Variants in IGHMBP2 observed in about 807,000 individuals in gnomAD.
IGHMBP2 encodes the protein immunoglobulin mu DNA binding protein 2.
Under a neutral mutation model 96.0 loss-of-function variants are expected in IGHMBP2, and 81 were observed. The ratio of observed to expected loss-of-function variants is 0.84; its 90% CI spans 0.71 to 1.01. The LOEUF is 1.01. Among genes scored for constraint, IGHMBP2 ranks in the 50% least tolerant of loss-of-function variants. The pLI, the probability that IGHMBP2 is intolerant of heterozygous loss-of-function variation, is 0.00. For synonymous variants in IGHMBP2, 557 were observed against 548.9 expected (o/e 1.01, Z -0.21); for missense variants, 1,227 against 1,306.3 (o/e 0.94, Z 0.94).
intron 7 of IGHMBP2, among the ~76,000 whole-genome samples, chr11:68,928,601 T>C (rs993462428): frequency 6.6e-6 from 1 of 152,172 alleles, no homozygotes; most frequent in East Asian, 1.9e-4. Flanking sequence ...TTGTCCATGT[T>C]TGTGGGTGAG....
In IGHMBP2 at chr11:68,906,189, C is replaced by T. The variant is rs188719450; in HGVS notation, c.207C>T (p.Pro69=). 1.3e-5 allele frequency: 21 copies of T among 1,614,154 alleles called. No homozygotes were observed. The East Asian group carries it at 3.8e-4, about 29-fold the overall frequency. Residue 69 remains proline (P), a synonymous_variant, in exon 2 of 15, where the codon CCC becomes CCT. Coordinates refer to ENST00000255078, the MANE Select transcript of IGHMBP2 (RefSeq NM_002180.3). ...LYGRLLVTFE[P]RRYGSAAALP... ...GACGGCTGCTGGTCACCTTTGAGCC[C>T]AGGCGATACGGGTCCGCGGCAGCTC...
chr11:68,904,299 C>T (rs1044510526), intron 1 of IGHMBP2, among the ~76,000 whole-genome samples: 2 of 152,204 alleles, frequency 1.3e-5, no homozygotes, highest in Admixed American at 6.5e-5. Flanking sequence ...GCTTACACTC[C>T]TGGGCCCTGG....
chr11:68,923,945 T>A (rs2154007887), intron 7 of IGHMBP2, among the ~76,000 whole-genome samples: 1 of 152,284 alleles, frequency 6.6e-6, no homozygotes, highest in East Asian at 1.9e-4. Flanking sequence ...TCTCCTCAAC[T>A]CAGGGAGCCT....
In IGHMBP2 at chr11:68,930,440, TAG is replaced by T. The variant is rs1473684540; in HGVS notation, c.1235+1090_1235+1091del. ...GGCAGCCCAGGAGTTGGCGGGTATGTAGAGAGAGGTGTCAAAAATAGTAATTG... is the reference window on the plus strand; with the variant it reads ...GGCAGCCCAGGAGTTGGCGGGTATGTAGAGAGGTGTCAAAAATAGTAATTG... On this transcript the variant is annotated intron_variant, in intron 8 of 14. Coordinates refer to ENST00000255078, the MANE Select transcript of IGHMBP2 (RefSeq NM_002180.3). The T allele has an allele frequency of 2.3e-6, 3 of 1,288,138 alleles. No individual in the cohort carries two copies. In the South Asian group the frequency reaches 3.7e-5, roughly 16 times the overall value. 79.8% of individuals were successfully genotyped at this position (1,288,138 alleles called of 1,614,324 possible).
Position 68,915,166 on chromosome 11 carries a change from C to CTTTTTT in IGHMBP2, c.912+168_912+173dup, listed in dbSNP as rs71043470. ...TAATAATTTTAAAAATTGGGCTGCC[C>CTTTTTT]TTTTTTTTTTTTTTTTTTTTTTTTT... On this transcript the variant is annotated intron_variant, in intron 6 of 14. Coordinates refer to ENST00000255078, the MANE Select transcript of IGHMBP2 (RefSeq NM_002180.3). The CTTTTTT allele has an allele frequency of 6.0e-4, 123 of 206,308 alleles. 9 individuals are homozygous for CTTTTTT. Among genetic ancestry groups the CTTTTTT allele is most frequent in the African/African-American group, 1.8e-3 (33 of 18,210 alleles). 12.8% of individuals were successfully genotyped at this position (206,308 alleles called of 1,614,324 possible).
intron 6 of IGHMBP2, 45 bp downstream of exon 6, chr11:68,915,068 C>T: frequency 6.6e-7 from 1 of 1,510,606 alleles, no homozygotes; most frequent in Non-Finnish European, 9.2e-7. Context: ...GGCTTCTGAT[C>T]TGCAGTCTTT....
At chr11:68,919,993 A>G (rs1226954217) in intron 7 of IGHMBP2, among the ~76,000 whole-genome samples, 1 of 152,192 alleles carries the variant, frequency 6.6e-6, no homozygotes, top group Admixed American at 6.5e-5. Flanking sequence ...ATGTTGTTGT[A>G]CAGCAGATCT....
intron 11 of IGHMBP2, 75 bp from the exon 12 acceptor site, chr11:68,935,224 T>C: frequency 1.3e-6 from 2 of 1,585,530 alleles, no homozygotes; most frequent in Non-Finnish European, 1.7e-6. Context: ...TGAGGCCCTC[T>C]GCTGAGCTGA....
intron 1 of IGHMBP2, 24 bp downstream of exon 1, chr11:68,904,062 T>C: frequency 6.5e-7 from 1 of 1,534,194 alleles, no homozygotes; most frequent in Non-Finnish European, 8.8e-7. Context: ...CCGGCGCCGC[T>C]CCCTCGCGGT....
intron 4 of IGHMBP2, 45 bp from the exon 5 acceptor site, chr11:68,911,395 A>G (rs769656241): frequency 2.1e-5 from 33 of 1,603,170 alleles, no homozygotes; most frequent in South Asian, 1.3e-4. Flanking sequence ...ACACCCACAG[A>G]GCTCCCCAGA....
chr11:68,906,829 A>G (rs2154006590), intron 2 of IGHMBP2, among the ~76,000 whole-genome samples: 1 of 151,842 alleles, frequency 6.6e-6, no homozygotes, highest in Non-Finnish European at 1.5e-5. Context: ...TTTAGTAGAG[A>G]CGGGGTTTCT....
chr11:68,938,057 G>C, intron 13 of IGHMBP2, 125 bp from the exon 14 acceptor site: 1 of 1,072,114 alleles, frequency 9.3e-7, no homozygotes, highest in South Asian at 1.3e-5. Flanking sequence ...TCCTACCTCA[G>C]CCTCCCAAAA....
intron 7 of IGHMBP2, among the ~76,000 whole-genome samples, chr11:68,927,344 TC>T (rs1481834928): frequency 6.6e-6 from 1 of 152,180 alleles, no homozygotes; most frequent in Non-Finnish European, 1.5e-5. Context: ...TAGACAGAAA[TC>T]CCCCTGAACT....
At position 68,938,173 on chromosome 11, in the gene IGHMBP2, C is replaced by T; in HGVS notation, c.2612-9C>T. The T allele has an allele frequency of 6.2e-7, 1 of 1,614,010 alleles. No individual in the cohort carries two copies. Among genetic ancestry groups the T allele is most frequent in the African/African-American group, 1.3e-5 (1 of 75,046 alleles). On this transcript the variant is annotated splice_polypyrimidine_tract_variant and intron_variant, in intron 13 of 14. Coordinates refer to ENST00000255078, the MANE Select transcript of IGHMBP2 (RefSeq NM_002180.3). ...TTCCGTTTGCCTGAGTGACGCGGGT[C>T]TTCTCCAGGACATCCGGCCACAGAT...
chr11:68,930,274 A>G, intron 8 of IGHMBP2: 7 of 1,284,570 alleles, frequency 5.4e-6, no homozygotes, highest in Non-Finnish European at 7.1e-6. Context: ...ATTTCTTCAG[A>G]TTTCGGTTGC....
At chr11:68,908,435 G>A (rs1437695727) in intron 3 of IGHMBP2, 98 bp downstream of exon 3, 2 of 1,441,614 alleles carry the variant, frequency 1.4e-6, no homozygotes, top group Non-Finnish European at 9.8e-7. Flanking sequence ...AACAAGTCAT[G>A]GTGTGGGTGT....
intron 6 of IGHMBP2, among the ~76,000 whole-genome samples, chr11:68,915,637 CA>C (rs1858633308): frequency 6.6e-6 from 1 of 151,822 alleles, no homozygotes; most frequent in Non-Finnish European, 1.5e-5. Flanking sequence ...CATGTGCCAC[CA>C]CACCCAACCA....
chr11:68,914,920 G>A lies in IGHMBP2; in HGVS notation c.809G>A (p.Arg270His), dbSNP rs756408576. ...ATTCTGCGCCTGGGACACCCTGCCC[G>A]CCTCCTGGAGTCCATTCAGCAGCAC... is the stretch of plus-strand genomic sequence containing the variant. The part of the protein sequence containing the change: ...QRILRLGHPA[R>H]LLESIQQHSL... Residue 270 changes from arginine to histidine, a missense_variant, in exon 6 of 15, where the codon CGC becomes CAC. By Grantham distance (29) the Arg-to-His change is conservative. This residue lies in a region of IGHMBP2 where 507 missense variants were observed against 496.9 expected (regional missense o/e 1.02). Coordinates refer to ENST00000255078, the MANE Select transcript of IGHMBP2 (RefSeq NM_002180.3). 37 of 1,614,022 alleles carry A rather than the reference G, an allele frequency of 2.3e-5. No homozygotes were observed. In the Admixed American group the frequency reaches 2.7e-4, roughly 12 times the overall value.
At chr11:68,904,120 A>G (rs1858076987) in intron 1 of IGHMBP2, 82 bp downstream of exon 1, 2 of 1,192,350 alleles carry the variant, frequency 1.7e-6, no homozygotes, top group Non-Finnish European at 1.2e-6. Context: ...TCGGCCTCAT[A>G]GTCTGGGGCG....
Sources: gnomAD v4.1 joint callset for allele counts (sites outside exome capture counted in the v4.1 genomes callset) on GRCh38, gnomAD v4.1.1 for gene constraint, gnomAD v4.1.1 regional missense constraint, MANE v1.5 for transcripts, NCBI Gene and HGNC (gene_info 2026-07-23, HGNC 2026-07-21) for gene names.